Variants in FAM20C observed in about 807,000 individuals in gnomAD.
FAM20C encodes the protein FAM20C golgi associated secretory pathway kinase, also known as extracellular serine/threonine protein kinase FAM20C.
Under a neutral mutation model 51.5 loss-of-function variants are expected in FAM20C, and 40 were observed. That is an observed-to-expected ratio of 0.78 (90% CI 0.60 to 1.01). The LOEUF (loss-of-function observed/expected upper bound fraction) is 1.01, where lower values mean the gene tolerates loss of function less well. FAM20C is among the 50% of genes least tolerant of loss of function. FAM20C has a pLI of 0.00. For synonymous variants in FAM20C, 406 were observed against 380.6 expected, an observed-to-expected ratio of 1.07 and a Z score of -0.78; for missense variants, 861 against 844.7, an observed-to-expected ratio of 1.02 and a Z score of -0.24.
At chr7:255,224 C>T (rs1390343291) in intron 5 of FAM20C, among the ~76,000 whole-genome samples, 2 of 152,172 alleles carry the variant, frequency 1.3e-5, no homozygotes, top group Admixed American at 6.5e-5. Context: ...ACAGAGGTGG[C>T]GGTTCCCCCG....
At chr7:251,974 C>G (rs576124842) in intron 5 of FAM20C, among the ~76,000 whole-genome samples, 7 of 152,328 alleles carry the variant, frequency 4.6e-5, no homozygotes, top group Non-Finnish European at 1.0e-4. Context: ...ACTCCAGCCG[C>G]GCTGCCCTGT....
intron 4 of FAM20C, among the ~76,000 whole-genome samples, chr7:248,101 C>A (rs898041914): frequency 4.6e-5 from 7 of 152,212 alleles, no homozygotes; most frequent in Admixed American, 6.5e-5. Context: ...TCGCCAGCCC[C>A]AGTCCCTCAG....
rs1211828705 is a variant in FAM20C, at chr7:256,016, C to T, written c.1240C>T (p.Arg414Cys). The stretch of plus-strand genomic sequence containing the variant: ...CCCTTGGCGGCGTTCCTACCACAAG[C>T]GCAAGAAGGCCGAGTGAGTGCGGGG... The part of the protein sequence containing the change: ...RNPWRRSYHK[R>C]KKAEWEVDPD... The change falls in exon 6 of 10, where the codon CGC (arginine) becomes TGC (cysteine). Residue 414 changes from arginine (R) to cysteine (C), a missense_variant. By Grantham distance (180) the Arg-to-Cys change is radical (BLOSUM62 -3). Coordinates refer to ENST00000313766, the MANE Select transcript of FAM20C (RefSeq NM_020223.4). The T allele has an allele frequency of 1.8e-5, 27 of 1,535,688 alleles. No homozygotes were observed. Among genetic ancestry groups the T allele is most frequent in the Non-Finnish European group, 2.2e-5 (25 of 1,146,710 alleles).
At chr7:202,881 C>A (rs1179448304) in intron 2 of FAM20C, among the ~76,000 whole-genome samples, 19 of 152,200 alleles carry the variant, frequency 1.2e-4, no homozygotes. Flanking sequence ...GCAGACGGGA[C>A]CTGTTTCCAG....
At chr7:244,545 C>A (rs897968471) in intron 3 of FAM20C, among the ~76,000 whole-genome samples, 1 of 152,216 alleles carries the variant, frequency 6.6e-6, no homozygotes, top group East Asian at 1.9e-4. Flanking sequence ...CAGTCTGGGC[C>A]TCGGCTCTGC....
intron 2 of FAM20C, among the ~76,000 whole-genome samples, chr7:205,529 C>T (rs879630243): frequency 2.6e-5 from 4 of 152,198 alleles, no homozygotes; most frequent in Non-Finnish European, 5.9e-5. Flanking sequence ...CATGAGCCGC[C>T]GCACTCGGGC....
intron 2 of FAM20C, among the ~76,000 whole-genome samples, chr7:205,303 CACG>C (rs1174862248): frequency 1.4e-5 from 2 of 147,256 alleles, no homozygotes; most frequent in African/African-American, 2.6e-5. Flanking sequence ...CACGCACCAC[CACG>C]ACGTCAGCCC....
intron 3 of FAM20C, among the ~76,000 whole-genome samples, chr7:236,637 A>G (rs1045537242): frequency 0.27 from 36,133 of 133,224 alleles, 6,327 homozygotes; most frequent in African/African-American, 0.49. Context: ...GCCAAGGGAC[A>G]TCTCACAGGG....
chr7:213,359 C>A (rs1028174947), intron 3 of FAM20C, among the ~76,000 whole-genome samples: 1 of 152,074 alleles, frequency 6.6e-6, no homozygotes, highest in Non-Finnish European at 1.5e-5. Flanking sequence ...GTGTGTAGTC[C>A]TTTGTGAGTG....
At chr7:216,618 T>TGTG (rs1491345883) in intron 3 of FAM20C, among the ~76,000 whole-genome samples, 1 of 99,786 alleles carries the variant, frequency 1.0e-5, no homozygotes, top group African/African-American at 4.7e-5. Context: ...TGTGTGTGTG[T>TGTG]ATGAGTGTGT....
chr7:255,214 A>G (rs1350514969), intron 5 of FAM20C, among the ~76,000 whole-genome samples: 3 of 152,180 alleles, frequency 2.0e-5, no homozygotes, highest in Non-Finnish European at 1.5e-5. Flanking sequence ...CCAGCAGCGC[A>G]CAGAGGTGGC....
rs148750123 is a variant in FAM20C at position 248,203 on chromosome 7, G to A, written c.957-112G>A. The A allele has an allele frequency of 4.7e-6, 3 of 635,020 alleles. No homozygotes were observed. The South Asian group carries it at 6.1e-5, about 13-fold the overall frequency. 39.3% of individuals were successfully genotyped at this position (635,020 alleles called of 1,614,324 possible). ...GGAGGCAGGGACACAGAGGCCCGCT[G>A]AGCCGCACAGAGCACAGACCCTCCC... is the stretch of plus-strand genomic sequence containing the variant. On this transcript the variant is annotated intron_variant, in intron 4 of 9. Transcript: ENST00000313766.
intron 1 of FAM20C, among the ~76,000 whole-genome samples, chr7:194,443 C>G (rs1449647639): frequency 1.3e-5 from 2 of 148,266 alleles, no homozygotes; most frequent in African/African-American, 5.0e-5. Flanking sequence ...CCACACAGAT[C>G]AAAACAAGCA....
chr7:212,055 G>A (rs1191146341), intron 3 of FAM20C, among the ~76,000 whole-genome samples: 2 of 152,234 alleles, frequency 1.3e-5, no homozygotes, highest in African/African-American at 2.4e-5. Context: ...TATGGGGGCT[G>A]TGCCCAGGGC....
intron 2 of FAM20C, among the ~76,000 whole-genome samples, chr7:201,323 C>G (rs564535223): frequency 1.9e-4 from 29 of 152,222 alleles, no homozygotes; most frequent in Non-Finnish European, 3.8e-4. Flanking sequence ...ACGGCAGCAT[C>G]TCACACCTGG....
intron 7 of FAM20C, 62 bp from the exon 8 acceptor site, chr7:256,943 G>C (rs1302233611): frequency 1.3e-6 from 2 of 1,512,326 alleles, no homozygotes. Flanking sequence ...AGAGCACAGA[G>C]GCCTCTGAGC....
intron 3 of FAM20C, among the ~76,000 whole-genome samples, chr7:244,253 CT>C (rs1788060895): frequency 6.6e-6 from 1 of 152,128 alleles, no homozygotes; most frequent in South Asian, 2.1e-4. Context: ...CTGGAGTTCC[CT>C]TTTTCCAGCT....
Position 248,354 on chromosome 7 carries a change from G to C in FAM20C, c.996G>C (p.Arg332Ser). Reference protein sequence around the residue: ...DFRRVPPVAGRMVNMTKEIRD... With the variant: ...DFRRVPPVAGSMVNMTKEIRD... Reference sequence around the variant, plus strand: ...GCCGGGTCCCTCCCGTGGCCGGCAGGATGGTCAACATGACCAAGGAGATCC... The same window carrying C: ...GCCGGGTCCCTCCCGTGGCCGGCAGCATGGTCAACATGACCAAGGAGATCC... Residue 332 changes from arginine to serine, a missense_variant, in exon 5 of 10, where the codon AGG (arginine) becomes AGC (serine). Arg to Ser is a moderately radical substitution (Grantham distance 110). Around this residue, in one of 3 missense-constraint regions of FAM20C, gnomAD observed 561 missense variants for 499.8 expected, o/e 1.12. Transcript: ENST00000313766. The C allele has an allele frequency of 6.5e-7, 1 of 1,537,178 alleles. No individual in the cohort carries two copies. The highest frequency in any genetic ancestry group is 8.7e-7 in the Non-Finnish European group (1 of 1,146,894).
At chr7:243,991 G>C (rs1044950508) in intron 3 of FAM20C, among the ~76,000 whole-genome samples, 29 of 150,740 alleles carry the variant, frequency 1.9e-4, no homozygotes, top group African/African-American at 6.8e-4. Flanking sequence ...GTGTCATCCA[G>C]GCTGGATTGC....
Sources: gnomAD v4.1 joint callset for allele counts (sites outside exome capture counted in the v4.1 genomes callset) on GRCh38, gnomAD v4.1.1 for gene constraint, gnomAD v4.1.1 regional missense constraint, MANE v1.5 for transcripts, NCBI Gene and HGNC (gene_info 2026-07-23, HGNC 2026-07-21) for gene names.